RYR3: variants seen among roughly 807,000 people sequenced by gnomAD.
RYR3 encodes the protein brain ryanodine receptor-calcium release channel.
A neutral mutation model predicts 584.3 loss-of-function variants in RYR3; 207 were observed. The ratio of observed to expected loss-of-function variants is 0.35; its 90% CI spans 0.32 to 0.40. RYR3 has a LOEUF of 0.40. RYR3 is among the 10% of genes least tolerant of loss of function. The pLI, the probability that RYR3 is intolerant of heterozygous loss-of-function variation, is 1.00. For synonymous variants in RYR3, 2,416 were observed against 2,248.5 expected (o/e 1.07, Z -2.11); for missense variants, 5,616 against 6,089.2 (o/e 0.92, Z 2.59).
intron 42 of RYR3, 41 bp from the exon 43 acceptor site, chr15:33,706,878 C>T: frequency 6.4e-7 from 1 of 1,551,566 alleles, no homozygotes; most frequent in Non-Finnish European, 8.7e-7. Flanking sequence ...AATAGCCATC[C>T]TAATGCGTGC....
At chr15:33,386,549 A>T (rs1462329641) in intron 1 of RYR3, among the ~76,000 whole-genome samples, 2 of 152,318 alleles carry the variant, frequency 1.3e-5, no homozygotes, top group East Asian at 3.9e-4. Flanking sequence ...TCCTCTTTTT[A>T]AAAAATCATC....
chr15:33,620,385 T>C (rs893971817), intron 19 of RYR3, among the ~76,000 whole-genome samples: 5 of 152,330 alleles, frequency 3.3e-5, no homozygotes, highest in African/African-American at 9.6e-5. Context: ...CTTTCCTTTA[T>C]CCGTCTAGAG....
At chr15:33,312,102 CATA>C (rs1967403462) in intron 1 of RYR3, among the ~76,000 whole-genome samples, 1 of 152,218 alleles carries the variant, frequency 6.6e-6, no homozygotes, top group African/African-American at 2.4e-5. Context: ...TCGTGAATGT[CATA>C]ATGTTTTGTA....
At chr15:33,343,104 T>C (rs1205951510) in intron 1 of RYR3, among the ~76,000 whole-genome samples, 3 of 152,200 alleles carry the variant, frequency 2.0e-5, no homozygotes, top group Non-Finnish European at 4.4e-5. Context: ...ACCTCCCCAC[T>C]GTAAAAAAGG....
chr15:33,365,487 T>A (rs140276575), intron 1 of RYR3, among the ~76,000 whole-genome samples: 1 of 152,130 alleles, frequency 6.6e-6, no homozygotes, highest in East Asian at 1.9e-4. Flanking sequence ...GTTGCACAAT[T>A]CCAGACAAGA....
In RYR3 at chr15:33,586,057, G is replaced by A. The variant is rs1411109002; in HGVS notation, c.1729G>A (p.Ala577Thr). ...AAGCCCAGAAGCCTTAAATCTGATA[G>A]CGGAGGGCCACATCAAGTCGATCAT... ...TESPEALNLI[A>T]EGHIKSIISL... Residue 577 changes from alanine to threonine, a missense_variant, in exon 16 of 104, where the codon GCG becomes ACG. Ala to Thr is a moderately conservative substitution (Grantham distance 58). This residue lies in a region of RYR3 where 1,284 missense variants were observed against 1,344.6 expected (regional missense o/e 0.95). Coordinates refer to ENST00000634891, the MANE Select transcript of RYR3 (RefSeq NM_001036.6). 6.2e-7 allele frequency: 1 copy of A among 1,613,552 alleles called. No homozygotes were observed. The highest frequency in any genetic ancestry group is 1.3e-5 in the African/African-American group (1 of 74,884).
intron 3 of RYR3, among the ~76,000 whole-genome samples, chr15:33,508,847 A>G (rs1481394705): frequency 6.6e-6 from 1 of 152,186 alleles, no homozygotes; most frequent in Non-Finnish European, 1.5e-5. Context: ...AGTAGGGAAT[A>G]CCACACACAG....
At chr15:33,806,334 G>GA (rs1234389521) in intron 69 of RYR3, among the ~76,000 whole-genome samples, 1 of 152,106 alleles carries the variant, frequency 6.6e-6, no homozygotes, top group Non-Finnish European at 1.5e-5. Context: ...CAATGATTTT[G>GA]AAGGTATAAG....
In RYR3 at chr15:33,311,056, G is replaced by A. The variant is rs375998723; in HGVS notation, c.11G>A (p.Gly4Glu). ...GACGCCTCGGGAGCCATGGCCGAAG[G>A]GGGAGAAGGAGGCGAGGACGAGATC... MAE[G>E]GEGGEDEIQF... Residue 4 changes from glycine to glutamate, a missense_variant, in exon 1 of 104, where the codon GGG becomes GAG. Physicochemically the swap from Gly to Glu is moderately conservative, Grantham distance 98 (BLOSUM62 -2). Around this residue, in one of 9 missense-constraint regions of RYR3, gnomAD observed 1,284 missense variants for 1,344.6 expected, o/e 0.95. Coordinates refer to ENST00000634891, the MANE Select transcript of RYR3 (RefSeq NM_001036.6). The surrounding 1 kb of genome is among the most constrained non-coding windows in gnomAD (Gnocchi z 4.4). The A allele has an allele frequency of 3.2e-6, 5 of 1,582,894 alleles. No homozygotes were observed. Among genetic ancestry groups the A allele is most frequent in the East Asian group, 2.4e-5 (1 of 41,236 alleles).
At chr15:33,734,157 G>A (rs375636604) in intron 48 of RYR3, among the ~76,000 whole-genome samples, 2 of 152,034 alleles carry the variant, frequency 1.3e-5, no homozygotes, top group African/African-American at 4.8e-5. Context: ...CCCCAAAAAG[G>A]GTTTTCTCCC....
chr15:33,780,219 C>T lies in RYR3; in HGVS notation c.9146C>T (p.Pro3049Leu), dbSNP rs781755911. Residue 3049 changes from proline to leucine, a missense_variant, in exon 65 of 104, where the codon CCT (proline) becomes CTT (leucine). Around this residue, in one of 9 missense-constraint regions of RYR3, gnomAD observed 954 missense variants for 1,132.2 expected, o/e 0.84. Transcript: ENST00000634891. Reference protein sequence around the residue: ...GKNIYVERQRPALGECLASLA... With the variant: ...GKNIYVERQRLALGECLASLA... Reference sequence around the variant, plus strand: ...GACTTCTTTGTTTCCAGGCAACGCCCTGCCCTTGGAGAATGTCTGGCCTCG... The same window carrying T: ...GACTTCTTTGTTTCCAGGCAACGCCTTGCCCTTGGAGAATGTCTGGCCTCG... The T allele has an allele frequency of 1.9e-6, 3 of 1,613,634 alleles. No homozygotes were observed. In the African/African-American group the frequency reaches 4.0e-5, roughly 22 times the overall value.
intron 38 of RYR3, among the ~76,000 whole-genome samples, chr15:33,672,665 A>G (rs912794798): frequency 6.6e-6 from 1 of 152,228 alleles, no homozygotes; most frequent in Non-Finnish European, 1.5e-5. Context: ...TTACAGAACC[A>G]TATGCATTAA....
At chr15:33,596,663 G>T (rs1043477365) in intron 16 of RYR3, among the ~76,000 whole-genome samples, 3 of 152,088 alleles carry the variant, frequency 2.0e-5, no homozygotes, top group Non-Finnish European at 4.4e-5. Context: ...TCATTTCTTT[G>T]TGTGGGGAAT....
chr15:33,607,325 T>A (rs967059888), intron 18 of RYR3, among the ~76,000 whole-genome samples: 32 of 152,036 alleles, frequency 2.1e-4, no homozygotes, highest in African/African-American at 7.5e-4. Context: ...AAGTGGCCTT[T>A]AAAAAAAATC....
intron 45 of RYR3, among the ~76,000 whole-genome samples, chr15:33,725,507 C>T (rs2152812422): frequency 6.6e-6 from 1 of 152,246 alleles, no homozygotes; most frequent in South Asian, 2.1e-4. Flanking sequence ...CTGGTTGGCC[C>T]ATCAGTGTCG....
At position 33,632,971 on chromosome 15, in the gene RYR3, A is replaced by G; in HGVS notation, c.2890A>G (p.Lys964Glu). The change falls in exon 24 of 104, where the codon AAG becomes GAG. Residue 964 changes from lysine (K) to glutamate (E), a missense_variant. Lys to Glu is a moderately conservative substitution (Grantham distance 56). Transcript: ENST00000634891. ...TAGCTATATGATGTCCAACGGCTAT[A>G]AGCCAGCCCCTTTGGATTTGTCTGA... ...PKNYMMSNGY[K>E]PAPLDLSDVK... 4 of 1,613,680 alleles carry G rather than the reference A, an allele frequency of 2.5e-6. No individual in the cohort carries two copies. The highest frequency in any genetic ancestry group is 3.4e-6 in the Non-Finnish European group (4 of 1,179,668).
At chr15:33,560,401 C>T (rs993994075) in intron 10 of RYR3, among the ~76,000 whole-genome samples, 4 of 151,660 alleles carry the variant, frequency 2.6e-5, no homozygotes, top group Non-Finnish European at 5.9e-5. Context: ...CCTTTCTATA[C>T]AGAATAATGA....
At chr15:33,360,848 A>G (rs1189748575) in intron 1 of RYR3, among the ~76,000 whole-genome samples, 2 of 152,216 alleles carry the variant, frequency 1.3e-5, no homozygotes, top group East Asian at 1.9e-4. Flanking sequence ...AATCTGGCCT[A>G]TGCTTTAGTG....
intron 32 of RYR3, among the ~76,000 whole-genome samples, chr15:33,658,999 C>T (rs965100921): frequency 6.6e-6 from 1 of 152,166 alleles, no homozygotes; most frequent in African/African-American, 2.4e-5. Flanking sequence ...ACAGTCTTTG[C>T]CTGTAGAGCA....
Sources: allele counts gnomAD v4.1 joint callset (sites outside exome capture counted in the v4.1 genomes callset), GRCh38; gene constraint gnomAD v4.1.1; regional missense constraint gnomAD v4.1.1; non-coding constraint Gnocchi (gnomAD v3.1); transcripts MANE v1.5; gene names NCBI Gene and HGNC (gene_info 2026-07-23, HGNC 2026-07-21).